WWOX: variants seen among roughly 807,000 people sequenced by gnomAD.
WWOX encodes the protein WW domain containing oxidoreductase.
WWOX carries 69 observed loss-of-function variants against 46.2 expected under a neutral mutation model. The ratio of observed to expected loss-of-function variants is 1.49; its 90% confidence interval spans 1.23 to 1.82. The LOEUF (loss-of-function observed/expected upper bound fraction) is 1.82, where lower values mean the gene tolerates loss of function less well. Among genes scored for constraint, WWOX ranks in the 40% most tolerant of loss-of-function variants. The pLI is 0.00. For synonymous variants in WWOX, 359 were observed against 202.6 expected, an observed-to-expected ratio of 1.77 and a Z score of -6.56; for missense variants, 919 against 542.6, an observed-to-expected ratio of 1.69 and a Z score of -6.89.
At chr16:79,143,703 C>T (rs1292834320) in intron 8 of WWOX, among the ~76,000 whole-genome samples, 1 of 152,070 alleles carries the variant, frequency 6.6e-6, no homozygotes, top group African/African-American at 2.4e-5. Context: ...CTCATTTGAA[C>T]CTTATAGCAG....
At chr16:78,899,895 C>G (rs145976303) in intron 8 of WWOX, among the ~76,000 whole-genome samples, 1 of 152,096 alleles carries the variant, frequency 6.6e-6, no homozygotes, top group Non-Finnish European at 1.5e-5. Context: ...ACACTTGTTC[C>G]TCTCTGTCAG....
At chr16:78,874,768 C>A (rs747179992) in intron 8 of WWOX, among the ~76,000 whole-genome samples, 1 of 128,786 alleles carries the variant, frequency 7.8e-6, no homozygotes, top group Non-Finnish European at 1.6e-5. Context: ...CTCAACTGTT[C>A]CAAGCATAAC....
chr16:78,719,223 G>A (rs147123162), intron 8 of WWOX, among the ~76,000 whole-genome samples: 97 of 152,292 alleles, frequency 6.4e-4, no homozygotes, highest in Non-Finnish European at 1.2e-3. Context: ...CAGGTAATGT[G>A]TTTAGCACAC....
chr16:78,832,571 C>T (rs890030573), intron 8 of WWOX, among the ~76,000 whole-genome samples: 14 of 152,314 alleles, frequency 9.2e-5, no homozygotes, highest in African/African-American at 2.9e-4. Flanking sequence ...CTGCTCGCTT[C>T]ACTGGTTCGG....
intron 5 of WWOX, among the ~76,000 whole-genome samples, chr16:78,273,397 G>T (rs1311175028): frequency 6.6e-6 from 1 of 152,170 alleles, no homozygotes. Context: ...CTGACCATAA[G>T]TATGCTTCTG....
chr16:79,149,319 T>C (rs190074439), intron 8 of WWOX, among the ~76,000 whole-genome samples: 4 of 152,350 alleles, frequency 2.6e-5, no homozygotes, highest in Admixed American at 1.3e-4. Context: ...TTTAGCTTTT[T>C]GATATGGTGG....
intron 8 of WWOX, among the ~76,000 whole-genome samples, chr16:78,514,018 T>A (rs1353826272): frequency 6.6e-6 from 1 of 152,110 alleles, no homozygotes; most frequent in Non-Finnish European, 1.5e-5. Flanking sequence ...AGAATAGTTG[T>A]ATGTCACAAT....
intron 6 of WWOX, among the ~76,000 whole-genome samples, chr16:78,394,880 C>T (rs1001632011): frequency 4.6e-5 from 7 of 152,204 alleles, no homozygotes; most frequent in Non-Finnish European, 7.3e-5. Flanking sequence ...GGTCAACTGA[C>T]GCTTCCAGCT....
chr16:78,587,193 C>CTTTTTTT (rs528293412), intron 8 of WWOX, among the ~76,000 whole-genome samples: 2,708 of 112,694 alleles, frequency 0.024, 101 homozygotes, highest in Middle Eastern at 0.03. Context: ...GCCTGGCTAA[C>CTTTTTTT]TTTTTTTTTT....
chr16:78,731,593 G>A (rs899291800), intron 8 of WWOX, among the ~76,000 whole-genome samples: 4 of 151,832 alleles, frequency 2.6e-5, no homozygotes, highest in Non-Finnish European at 5.9e-5. Flanking sequence ...TTTTTCGGTT[G>A]TGAAGATCAG....
intron 8 of WWOX, among the ~76,000 whole-genome samples, chr16:78,484,222 A>AAT (rs1190732203): frequency 2.8e-5 from 4 of 142,872 alleles, no homozygotes; most frequent in Non-Finnish European, 4.6e-5. Context: ...AATTTGCAGT[A>AAT]ATACTTTTGT....
intron 8 of WWOX, among the ~76,000 whole-genome samples, chr16:78,665,233 G>C (rs975769586): frequency 1.3e-5 from 2 of 152,194 alleles, no homozygotes; most frequent in African/African-American, 4.8e-5. Context: ...GTCACGGGCT[G>C]AATTCCGGCA....
At chr16:79,164,902 A>G (rs747023788) in intron 8 of WWOX, among the ~76,000 whole-genome samples, 4 of 152,048 alleles carry the variant, frequency 2.6e-5, no homozygotes, top group Non-Finnish European at 5.9e-5. Flanking sequence ...AAACCCACAC[A>G]CCACAGAGAA....
chr16:78,602,118 A>G (rs374932050), intron 8 of WWOX, among the ~76,000 whole-genome samples: 8 of 152,336 alleles, frequency 5.3e-5, no homozygotes, highest in East Asian at 3.9e-4. Flanking sequence ...CACGCTTTTG[A>G]ACTAATCACA....
intron 8 of WWOX, among the ~76,000 whole-genome samples, chr16:78,719,549 AAGG>A (rs1489073721): frequency 2.6e-5 from 4 of 152,318 alleles, no homozygotes; most frequent in South Asian, 2.1e-4. Context: ...GTTAATTAAG[AAGG>A]AGAAGGGGGA....
At chr16:78,604,141 AAAAT>A (rs966588869) in intron 8 of WWOX, among the ~76,000 whole-genome samples, 22 of 152,130 alleles carry the variant, frequency 1.4e-4, no homozygotes, top group African/African-American at 5.3e-4. Flanking sequence ...CCTTGTCTAA[AAAAT>A]AAATAAATAA....
chr16:78,483,737 C>G (rs776895950), intron 8 of WWOX, among the ~76,000 whole-genome samples: 4 of 151,986 alleles, frequency 2.6e-5, no homozygotes, highest in African/African-American at 9.7e-5. Flanking sequence ...AATGCAGCAT[C>G]GCTTGAAGCT....
At chr16:79,016,100 A>C (rs866737747) in intron 8 of WWOX, 2 of 152,136 alleles carry the variant, frequency 1.3e-5, no homozygotes, top group East Asian at 3.9e-4. Flanking sequence ...TATGTTCTCA[A>C]ATTCCAACCT....
intron 8 of WWOX, among the ~76,000 whole-genome samples, chr16:78,796,472 G>A (rs962801826): frequency 6.6e-6 from 1 of 152,258 alleles, no homozygotes; most frequent in Non-Finnish European, 1.5e-5. Context: ...AACTGCAAGG[G>A]ATTCTGGGAA....
Sources: allele counts gnomAD v4.1 joint callset (sites outside exome capture counted in the v4.1 genomes callset), GRCh38; gene constraint gnomAD v4.1.1; transcripts MANE v1.5; gene names NCBI Gene and HGNC (gene_info 2026-07-23, HGNC 2026-07-21).